Variants in ZNF843 observed in about 807,000 individuals in gnomAD.
The protein encoded by ZNF843 is zinc finger protein 843.
For synonymous variants in ZNF843, 185 were observed against 207.7 expected (o/e 0.89, Z 0.94); for missense variants, 482 against 469.4 (o/e 1.03, Z -0.25).
intron 1 of ZNF843, among the ~76,000 whole-genome samples, chr16:31,439,940 A>T (rs1281215896): frequency 2.0e-5 from 3 of 152,226 alleles, no homozygotes; most frequent in Admixed American, 2.0e-4. Context: ...TAACACAGGT[A>T]GACAGGAGTA....
Position 31,436,814 on chromosome 16 carries a change from G to A in ZNF843, c.36C>T (p.Ser12=). The A allele has an allele frequency of 6.5e-7, 1 of 1,549,360 alleles. No individual in the cohort carries two copies. Among genetic ancestry groups the A allele is most frequent in the Non-Finnish European group, 8.7e-7 (1 of 1,145,588 alleles). ...RSLPFALTVE[S]VSARAPTCCS... ...AGCAGGTAGGAGCTCTGGCTGAAACGCTTTCCACAGTCAGGGCAAAGGGGA... is the reference window on the plus strand; with the variant it reads ...AGCAGGTAGGAGCTCTGGCTGAAACACTTTCCACAGTCAGGGCAAAGGGGA... The change falls in exon 2 of 2, where the codon AGC becomes AGT. Residue 12 remains serine (S), a synonymous_variant. Transcript: ENST00000315678.
At chr16:31,442,086 G>T (rs2082202987) in intron 1 of ZNF843, among the ~76,000 whole-genome samples, 2 of 152,228 alleles carry the variant, frequency 1.3e-5, no homozygotes, top group South Asian at 4.1e-4. Context: ...CCGGAGAATC[G>T]CTGGGAAACG....
In ZNF843 at chr16:31,437,084, T is replaced by C. The variant is rs2082185525; in HGVS notation, c.-235A>G. On this transcript the variant is annotated 5_prime_UTR_variant, in exon 2 of 2. Transcript: ENST00000315678. ...AGGCTCTCGGGCATGTCCCTGGGTG[T>C]TCCCCATCACTAAGTCCATCCTCTT... 2 of 511,166 alleles carry C rather than the reference T, an allele frequency of 3.9e-6. No homozygotes were observed. Among genetic ancestry groups the C allele is most frequent in the South Asian group, 6.1e-5 (2 of 32,862 alleles). 31.7% of individuals were successfully genotyped at this position (511,166 alleles called of 1,614,324 possible). A position where few individuals can be genotyped will look rare whatever the true frequency, so the allele number is the denominator to read the frequency against.
chr16:31,436,541 G>GC lies in ZNF843; in HGVS notation c.308dup (p.Cys103TrpfsTer30). 6.5e-7 allele frequency: 1 copy of GC among 1,549,940 alleles called. No homozygotes were observed. The highest frequency in any genetic ancestry group is 2.4e-5 in the East Asian group (1 of 40,872). On this transcript the variant is annotated frameshift_variant, in exon 2 of 2. Coordinates refer to ENST00000315678, the MANE Select transcript of ZNF843 (RefSeq NM_001136509.3). LOFTEE classifies it low-confidence loss of function (END_TRUNC). ...GTGTGTGCTCCTTGGTGAGCCAGCA[G>GC]CAGAGCTGGCCGCTAAACCCTTGCC... is the stretch of plus-strand genomic sequence containing the variant.
rs1416360944 is a variant in ZNF843, at chr16:31,436,352, C to G, written c.498G>C (p.Pro166=). 5.8e-6 allele frequency: 9 copies of G among 1,545,912 alleles called. No individual in the cohort carries two copies. The highest frequency in any genetic ancestry group is 8.7e-7 in the Non-Finnish European group (1 of 1,143,558). The change falls in exon 2 of 2, where the codon CCG becomes CCC. Residue 166 remains proline (P), a synonymous_variant. Transcript: ENST00000315678. ...CCCTGCAGGTCTTCTCCCCTGGGTG[C>G]GGAAGGACGCGCTGGGAGAGGGAGG... The part of the protein sequence containing the change: ...EKTSLSQRVL[P]HPGEKTCRGG...
chr16:31,440,176 A>G (rs1018541253), intron 1 of ZNF843, among the ~76,000 whole-genome samples: 9 of 152,238 alleles, frequency 5.9e-5, no homozygotes, highest in African/African-American at 2.2e-4. Flanking sequence ...TAGAAAAGCC[A>G]TATATACGGT....
chr16:31,441,419 C>T (rs1024202928), intron 1 of ZNF843, among the ~76,000 whole-genome samples: 2 of 152,210 alleles, frequency 1.3e-5, no homozygotes, highest in African/African-American at 2.4e-5. Flanking sequence ...TCCTCAGTTA[C>T]CGCCACAGCT....
chr16:31,437,555 C>T (rs1055570074), intron 1 of ZNF843, among the ~76,000 whole-genome samples: 8 of 150,870 alleles, frequency 5.3e-5, no homozygotes, highest in African/African-American at 2.0e-4. Context: ...GTTGGCCCAC[C>T]TGGGCCACCC....
chr16:31,437,683 C>T (rs1567365708), intron 1 of ZNF843, among the ~76,000 whole-genome samples: 1 of 144,274 alleles, frequency 6.9e-6, no homozygotes, highest in Non-Finnish European at 1.5e-5. Flanking sequence ...TGCAGTGGTG[C>T]TAGCTATGTC....
At chr16:31,441,782 C>T (rs892708749) in intron 1 of ZNF843, among the ~76,000 whole-genome samples, 1 of 152,126 alleles carries the variant, frequency 6.6e-6, no homozygotes, top group Non-Finnish European at 1.5e-5. Flanking sequence ...CCGCAGCGCC[C>T]GGCAGAATAC....
chr16:31,439,314 T>C (rs2082193747), intron 1 of ZNF843, among the ~76,000 whole-genome samples: 6 of 152,160 alleles, frequency 3.9e-5, no homozygotes, highest in Admixed American at 3.9e-4. Flanking sequence ...TAAAATGGCC[T>C]GGGCATTTTG....
At chr16:31,440,141 T>G (rs1232582352) in intron 1 of ZNF843, among the ~76,000 whole-genome samples, 3 of 152,288 alleles carry the variant, frequency 2.0e-5, no homozygotes, top group Non-Finnish European at 4.4e-5. Flanking sequence ...ATGAAGAAAC[T>G]GAGGCATAGA....
rs1334770970 is a variant in ZNF843 at position 31,436,559 on chromosome 16, C to A, written c.291G>T (p.Gly97=). The change falls in exon 2 of 2, where the codon GGG becomes GGT. Residue 97 remains glycine, a synonymous_variant. Coordinates refer to ENST00000315678, the MANE Select transcript of ZNF843 (RefSeq NM_001136509.3). ...RSHSSAGVRQ[G]FSGQLCCWLT... Reference sequence around the variant, plus strand: ...GCCAGCAGCAGAGCTGGCCGCTAAACCCTTGCCGCACTCCCGCAGACGAAT... The same window carrying A: ...GCCAGCAGCAGAGCTGGCCGCTAAAACCTTGCCGCACTCCCGCAGACGAAT... The A allele has an allele frequency of 1.9e-6, 3 of 1,550,300 alleles. No individual in the cohort carries two copies. The East Asian group carries it at 7.3e-5, about 38-fold the overall frequency.
At chr16:31,439,648 T>C (rs9940192) in intron 1 of ZNF843, among the ~76,000 whole-genome samples, 5,991 of 152,312 alleles carry the variant, frequency 0.039, 389 homozygotes, top group African/African-American at 0.14. Flanking sequence ...TACTATATGA[T>C]TCAATTTCTG....
chr16:31,442,054 G>A (rs1409024367), intron 1 of ZNF843, among the ~76,000 whole-genome samples: 1 of 152,230 alleles, frequency 6.6e-6, no homozygotes, highest in Non-Finnish European at 1.5e-5. Context: ...AAGGCGGGCC[G>A]GGTGTGCTGC....
chr16:31,441,457 T>G (rs1483619764), intron 1 of ZNF843, among the ~76,000 whole-genome samples: 1 of 152,156 alleles, frequency 6.6e-6, no homozygotes, highest in Non-Finnish European at 1.5e-5. Flanking sequence ...GCCTCCTGAG[T>G]AATGGGCACA....
intron 1 of ZNF843, among the ~76,000 whole-genome samples, 162 bp from the exon 2 acceptor site, chr16:31,437,346 C>T (rs2082186897): frequency 7.3e-6 from 1 of 137,926 alleles, no homozygotes; most frequent in South Asian, 2.2e-4. Flanking sequence ...TTCTGTTGCC[C>T]AGGCTGGAAT....
At position 31,436,228 on chromosome 16, in the gene ZNF843, G is replaced by A; in HGVS notation, c.622C>T (p.His208Tyr). ...GGCAGGAGTGTGGATGGGGGCAGAT[G>A]TTGAAGGAAGGACCCGGGGCTCCCA... is the stretch of plus-strand genomic sequence containing the variant. ...PCGSPGSFLQ[H>Y]LPPSTLLPRP... is the part of the protein sequence containing the mutation. Residue 208 changes from histidine (H) to tyrosine (Y), a missense_variant, in exon 2 of 2, where the codon CAT becomes TAT. His to Tyr is a moderately conservative substitution (Grantham distance 83). Transcript: ENST00000315678. The A allele has an allele frequency of 6.5e-7, 1 of 1,541,046 alleles. No individual in the cohort carries two copies. Among genetic ancestry groups the A allele is most frequent in the Non-Finnish European group, 8.8e-7 (1 of 1,141,450 alleles).
rs1025622818 is a variant in ZNF843 at position 31,442,699 on chromosome 16, C to G, written c.-399G>C. Reference sequence around the variant, plus strand: ...CTTGGGCGTGCGGCCGAGCCGGGAGCGCCCCTGCCCCGCGAGCCGCCCCCG... The same window carrying G: ...CTTGGGCGTGCGGCCGAGCCGGGAGGGCCCCTGCCCCGCGAGCCGCCCCCG... On this transcript the variant is annotated 5_prime_UTR_variant, in exon 1 of 2. Coordinates refer to ENST00000315678, the MANE Select transcript of ZNF843 (RefSeq NM_001136509.3). 4 of 152,212 alleles carry G rather than the reference C, an allele frequency of 2.6e-5. No homozygotes were observed. Among genetic ancestry groups the G allele is most frequent in the African/African-American group, 4.8e-5 (2 of 41,436 alleles). 9.4% of individuals were successfully genotyped at this position (152,212 alleles called of 1,614,324 possible).
Sources: gnomAD v4.1 joint callset for allele counts (sites outside exome capture counted in the v4.1 genomes callset) on GRCh38, gnomAD v4.1.1 for gene constraint, MANE v1.5 for transcripts, NCBI Gene and HGNC (gene_info 2026-07-23, HGNC 2026-07-21) for gene names.